Variants in INTS4 observed in about 807,000 individuals in gnomAD.
INTS4 encodes the protein integrator complex subunit 4, also known as MSTP093.
In INTS4, 70 loss-of-function variants were observed where a neutral mutation model predicts 119.5. That is an observed-to-expected ratio of 0.59 (90% confidence interval 0.48 to 0.71). The LOEUF (loss-of-function observed/expected upper bound fraction) is 0.71. INTS4 is among the 30% of genes least tolerant of loss of function. The pLI is 0.00. For missense variants in INTS4, 867 were observed against 1,173.2 expected, an observed-to-expected ratio of 0.74 and a Z score of 3.81; for synonymous variants, 316 against 419.6, an observed-to-expected ratio of 0.75 and a Z score of 3.02.
intron 1 of INTS4, among the ~76,000 whole-genome samples, chr11:77,993,734 C>T (rs1013406571): frequency 2.0e-5 from 3 of 152,146 alleles, no homozygotes; most frequent in Non-Finnish European, 4.4e-5. Flanking sequence ...CCTTGCCACT[C>T]TACAAGTCTA....
At chr11:77,930,027 A>G (rs547600063) in intron 10 of INTS4, among the ~76,000 whole-genome samples, 42 of 152,330 alleles carry the variant, frequency 2.8e-4, no homozygotes, top group Non-Finnish European at 4.9e-4. Context: ...CCCTTTCTTG[A>G]TTCACTAATA....
downstream of INTS4, among the ~76,000 whole-genome samples, chr11:77,878,504 G>A (rs1255259631): frequency 2.0e-5 from 3 of 151,978 alleles, no homozygotes; most frequent in East Asian, 5.8e-4. Context: ...AACTGTCAAT[G>A]GTAAAAAAAA....
At chr11:77,941,457 GCT>G (rs1491368984) in intron 8 of INTS4, among the ~76,000 whole-genome samples, 9 of 76,796 alleles carry the variant, frequency 1.2e-4, no homozygotes, top group Admixed American at 2.6e-4. Flanking sequence ...CACCTACTGT[GCT>G]TTTTTTTTTT....
chr11:77,973,419 T>C (rs1855809514), intron 4 of INTS4, among the ~76,000 whole-genome samples: 1 of 152,168 alleles, frequency 6.6e-6, no homozygotes, highest in Non-Finnish European at 1.5e-5. Context: ...ATGCCTAATA[T>C]CCCTGGCAAG....
In INTS4 at chr11:77,991,233, T is replaced by C. The variant is rs781306217; in HGVS notation, c.121A>G (p.Ile41Val). The C allele has an allele frequency of 5.3e-5, 85 of 1,614,058 alleles. 2 individuals are homozygous for C. The South Asian group carries it at 8.3e-4, about 16-fold the overall frequency. The stretch of plus-strand genomic sequence containing the variant: ...GGGGAGGTAGCTTTACACAGATCTA[T>C]GTGGAGTGCTGCAGATTTACTTGGT... The part of the protein sequence containing the change: ...TKPSKSAALH[I>V]DLCKATSPAD... The change falls in exon 2 of 23, where the codon ATA (isoleucine) becomes GTA (valine). Residue 41 changes from isoleucine (I) to valine (V), a missense_variant. Around this residue, in one of 5 missense-constraint regions of INTS4, gnomAD observed 224 missense variants for 231.8 expected, o/e 0.97. Coordinates refer to ENST00000534064, the MANE Select transcript of INTS4 (RefSeq NM_033547.4).
chr11:77,994,131 A>G (rs1263152284), intron 1 of INTS4, among the ~76,000 whole-genome samples: 1 of 152,004 alleles, frequency 6.6e-6, no homozygotes, highest in Non-Finnish European at 1.5e-5. Flanking sequence ...CCCTTCTTTC[A>G]GCCCCTTAGA....
chr11:77,972,597 A>G (rs1316711517), intron 4 of INTS4, among the ~76,000 whole-genome samples: 1 of 145,128 alleles, frequency 6.9e-6, no homozygotes. Context: ...TTGTATTTTT[A>G]GTAGAGACAG....
At chr11:77,963,362 A>AAAC (rs1855334558) in intron 4 of INTS4, 1 of 390,274 alleles carries the variant, frequency 2.6e-6, no homozygotes. Context: ...CAAAAAAAAA[A>AAAC]AAAAAAAAAA....
intron 16 of INTS4, among the ~76,000 whole-genome samples, chr11:77,904,697 C>T (rs562336719): frequency 6.6e-6 from 1 of 152,212 alleles, no homozygotes; most frequent in East Asian, 1.9e-4. Context: ...TGTTTTTTGA[C>T]AGTTGTAGTC....
At chr11:77,889,041 G>C (rs567714451) in intron 21 of INTS4, among the ~76,000 whole-genome samples, 70 of 152,308 alleles carry the variant, frequency 4.6e-4, no homozygotes, top group African/African-American at 1.6e-3. Flanking sequence ...TCTAGAACTA[G>C]AAATACCATT....
At chr11:77,896,569 T>C in intron 18 of INTS4, among the ~76,000 whole-genome samples, 1 of 151,756 alleles carries the variant, frequency 6.6e-6, no homozygotes, top group Non-Finnish European at 1.5e-5. Context: ...GGAGAATCTC[T>C]TGAACCCGGG....
chr11:77,966,215 T>G (rs899917577), intron 4 of INTS4, among the ~76,000 whole-genome samples: 16 of 152,218 alleles, frequency 1.1e-4, no homozygotes, highest in Admixed American at 8.5e-4. Context: ...TTGTCAGATA[T>G]ATGGTTTACA....
intron 1 of INTS4, among the ~76,000 whole-genome samples, chr11:77,994,318 G>A (rs1242455268): frequency 1.3e-5 from 2 of 152,140 alleles, no homozygotes; most frequent in Admixed American, 6.5e-5. Flanking sequence ...AGTTGTGTGA[G>A]AGAATAAAAT....
At chr11:77,981,603 T>C in intron 2 of INTS4, 27 bp from the exon 3 acceptor site, 4 of 1,267,204 alleles carry the variant, frequency 3.2e-6, no homozygotes, top group Non-Finnish European at 4.5e-6. Context: ...AATTGTCACT[T>C]TGATGCTTTA....
intron 4 of INTS4, chr11:77,978,016 G>C (rs1371192736): frequency 6.6e-6 from 1 of 151,906 alleles, no homozygotes; most frequent in African/African-American, 2.4e-5. Flanking sequence ...AGCCTCCCTA[G>C]TAGCTGGGAT....
At position 77,889,470 on chromosome 11, in the gene INTS4, A is replaced by G. The variant is rs535633899; in HGVS notation, c.2592+1849T>C. On this transcript the variant is annotated intron_variant, in intron 21 of 22. Coordinates refer to ENST00000534064, the MANE Select transcript of INTS4 (RefSeq NM_033547.4). The stretch of plus-strand genomic sequence containing the variant: ...TAGATGACGAGTTAATGGGTGCAGC[A>G]CACCAGCATGGCACATGTATACAGA... Among the ~76,000 whole-genome samples, 216 of 152,252 alleles carry G rather than the reference A, an allele frequency of 1.4e-3. 3 individuals are homozygous for G. The highest frequency in any genetic ancestry group is 6.8e-3 in the Middle Eastern group (2 of 294).
In INTS4 at chr11:77,974,058, G is replaced by A. The variant is rs80054378; in HGVS notation, c.471+4938C>T. On this transcript the variant is annotated intron_variant, in intron 4 of 22. Coordinates refer to ENST00000534064, the MANE Select transcript of INTS4 (RefSeq NM_033547.4). ...TTCACCAGTGAAGCCATTGAGGCCT[G>A]AGCTTTTCTTTGTAGGGATTTGTTT... Among the ~76,000 whole-genome samples the A allele has an allele frequency of 2.0e-4, 30 of 152,150 alleles. No individual in the cohort carries two copies. In the East Asian group the frequency reaches 5.4e-3, roughly 27 times the overall value.
At chr11:77,923,950 A>T (rs575988457) in intron 12 of INTS4, among the ~76,000 whole-genome samples, 11 of 150,338 alleles carry the variant, frequency 7.3e-5, no homozygotes, top group Admixed American at 5.3e-4. Flanking sequence ...TTTTTAGTAG[A>T]GATGAGGTTT....
chr11:77,944,559 T>C (rs1954003043), intron 8 of INTS4, among the ~76,000 whole-genome samples: 1 of 152,274 alleles, frequency 6.6e-6, no homozygotes, highest in Admixed American at 6.5e-5. Flanking sequence ...TATTATTCAC[T>C]GATTAGCTAT....
Sources: gnomAD v4.1 joint callset for allele counts (sites outside exome capture counted in the v4.1 genomes callset) on GRCh38, gnomAD v4.1.1 for gene constraint, gnomAD v4.1.1 regional missense constraint, MANE v1.5 for transcripts, NCBI Gene and HGNC (gene_info 2026-07-23, HGNC 2026-07-21) for gene names.